DUSP22: variants seen among roughly 807,000 people sequenced by gnomAD.
The protein encoded by DUSP22 is dual specificity protein phosphatase 22.
Under a neutral mutation model 24.5 loss-of-function variants are expected in DUSP22, and 24 were observed. That is an observed-to-expected ratio of 0.98 (90% confidence interval 0.71 to 1.38). DUSP22 has a LOEUF of 1.38. DUSP22 is among the 40% of genes most tolerant of loss of function. The pLI is 0.00. For missense variants in DUSP22, 330 were observed against 269.2 expected (o/e 1.23, Z -1.58); for synonymous variants, 160 against 106.4 (o/e 1.50, Z -3.10).
intron 2 of DUSP22, among the ~76,000 whole-genome samples, chr6:306,138 C>T (rs1201110214): frequency 6.6e-6 from 1 of 152,308 alleles, no homozygotes; most frequent in African/African-American, 2.4e-5. Context: ...GGCCAGGATA[C>T]ATTAATGTAG....
At chr6:304,331 G>T (rs1757720685) in intron 1 of DUSP22, among the ~76,000 whole-genome samples, 1 of 152,308 alleles carries the variant, frequency 6.6e-6, no homozygotes, top group South Asian at 2.1e-4. Flanking sequence ...GTGGGGCCAG[G>T]GTGGGCAGGC....
intron 2 of DUSP22, among the ~76,000 whole-genome samples, chr6:309,311 C>A (rs1412756419): frequency 6.6e-6 from 1 of 152,296 alleles, no homozygotes; most frequent in Non-Finnish European, 1.5e-5. Flanking sequence ...GGCTCATGTT[C>A]CTCGTATAAA....
intron 4 of DUSP22, among the ~76,000 whole-genome samples, chr6:338,582 A>C (rs1759464490): frequency 6.6e-6 from 1 of 152,306 alleles, no homozygotes; most frequent in South Asian, 2.1e-4. Flanking sequence ...AAGAAGTCTT[A>C]CCTGTCACTT....
At chr6:315,691 G>A (rs1396944730) in intron 3 of DUSP22, among the ~76,000 whole-genome samples, 1 of 152,306 alleles carries the variant, frequency 6.6e-6, no homozygotes, top group Non-Finnish European at 1.5e-5. Flanking sequence ...GCTGTTATTT[G>A]CTGCAAATAC....
At chr6:347,459 G>A (rs1301984975) in intron 5 of DUSP22, among the ~76,000 whole-genome samples, 2 of 152,306 alleles carry the variant, frequency 1.3e-5, no homozygotes, top group African/African-American at 4.8e-5. Context: ...GCCTTCATTT[G>A]CATGTACATG....
At position 350,555 on chromosome 6, in the gene DUSP22, CTGATTCCGCGCAGG is replaced by C; in HGVS notation, c.*1607_*1620del. ...TGGGGACCGGGAAAAACAAAGTTGC[CTGATTCCGCGCAGG>C]TGCACAGGCCCCGGATGTACACCCG... On this transcript the variant is annotated 3_prime_UTR_variant, in exon 7 of 7. Transcript: ENST00000419235. 7.3e-7 allele frequency: 1 copy of C among 1,363,432 alleles called. No individual in the cohort carries two copies. Among genetic ancestry groups the C allele is most frequent in the Non-Finnish European group, 9.4e-7 (1 of 1,059,922 alleles). The allele number at this position is 1,363,432 out of a possible 1,614,324, so 84.5% of individuals were successfully genotyped here.
intron 2 of DUSP22, among the ~76,000 whole-genome samples, chr6:305,317 G>C (rs558994654): frequency 1.5e-4 from 23 of 152,412 alleles, no homozygotes; most frequent in South Asian, 6.2e-4. Context: ...GCTCTGCCCT[G>C]GTTCTCCTTT....
At chr6:348,073 C>T in intron 5 of DUSP22, 30 bp from the exon 6 acceptor site, 1 of 1,612,664 alleles carries the variant, frequency 6.2e-7, no homozygotes, top group Non-Finnish European at 8.5e-7. Flanking sequence ...TGAAACTGCC[C>T]TCACACATGT....
intron 1 of DUSP22, among the ~76,000 whole-genome samples, chr6:300,731 C>T (rs1422565477): frequency 6.6e-6 from 1 of 152,310 alleles, no homozygotes; most frequent in East Asian, 1.9e-4. Flanking sequence ...TGACTTGCCT[C>T]AAGATCTGTG....
chr6:298,666 C>T (rs1046063830), intron 1 of DUSP22, among the ~76,000 whole-genome samples: 1 of 152,306 alleles, frequency 6.6e-6, no homozygotes, highest in Admixed American at 6.5e-5. Context: ...AGCATTTCTG[C>T]AGAAGGATTC....
At chr6:300,187 G>A (rs1757515785) in intron 1 of DUSP22, among the ~76,000 whole-genome samples, 2 of 152,304 alleles carry the variant, frequency 1.3e-5, no homozygotes, top group South Asian at 2.1e-4. Context: ...AAACAGCCTG[G>A]AATTTGGGGG....
In DUSP22 at chr6:351,188, C is replaced by T. The variant is rs1036456859; in HGVS notation, c.*2237C>T. 69 of 425,400 alleles carry T rather than the reference C, an allele frequency of 1.6e-4. No individual in the cohort carries two copies. The highest frequency in any genetic ancestry group is 9.7e-4 in the African/African-American group (49 of 50,434). The allele number at this position is 425,400 out of a possible 1,614,324, so 26.4% of individuals were successfully genotyped here. A position where few individuals can be genotyped will look rare whatever the true frequency, so the allele number is the denominator to read the frequency against. ...GCTTCCTGTGAACGCCTCCCAAGGA[C>T]GAGCCCAGTGTAGTTGTGTGGCGTG... On this transcript the variant is annotated 3_prime_UTR_variant, in exon 7 of 7. Coordinates refer to ENST00000419235, the MANE Select transcript of DUSP22 (RefSeq NM_001286555.3).
intron 3 of DUSP22, among the ~76,000 whole-genome samples, chr6:321,980 T>C (rs368354664): frequency 4.0e-3 from 609 of 152,142 alleles, no homozygotes; most frequent in Non-Finnish European, 4.9e-3. Flanking sequence ...CATCACTGGA[T>C]AGAAATACAG....
intron 3 of DUSP22, among the ~76,000 whole-genome samples, chr6:331,481 T>TA (rs1759136739): frequency 6.6e-6 from 1 of 152,312 alleles, no homozygotes; most frequent in South Asian, 2.1e-4. Context: ...TATCTAAACT[T>TA]ATCCTGTCCT....
At chr6:308,421 G>C (rs1362115405) in intron 2 of DUSP22, among the ~76,000 whole-genome samples, 1 of 152,306 alleles carries the variant, frequency 6.6e-6, no homozygotes, top group Non-Finnish European at 1.5e-5. Context: ...CAGCAGGTTT[G>C]ATTAAGCATT....
chr6:310,698 T>G (rs1423602349), intron 2 of DUSP22, among the ~76,000 whole-genome samples: 4 of 152,306 alleles, frequency 2.6e-5, no homozygotes, highest in South Asian at 2.1e-4. Flanking sequence ...ATTTAGCTTT[T>G]TAAGAATTCT....
chr6:322,331 T>C (rs1279586402), intron 3 of DUSP22, among the ~76,000 whole-genome samples: 2 of 152,294 alleles, frequency 1.3e-5, no homozygotes, highest in Non-Finnish European at 2.9e-5. Flanking sequence ...GACACACATC[T>C]TTGTTACTCC....
At chr6:294,518 A>G (rs1346338897) in intron 1 of DUSP22, among the ~76,000 whole-genome samples, 4 of 152,284 alleles carry the variant, frequency 2.6e-5, no homozygotes, top group Non-Finnish European at 5.9e-5. Context: ...TAATTTTAAT[A>G]ATATATTTTA....
intron 4 of DUSP22, among the ~76,000 whole-genome samples, chr6:336,261 C>G (rs1025247896): frequency 1.3e-5 from 2 of 152,302 alleles, no homozygotes; most frequent in Non-Finnish European, 2.9e-5. Context: ...CACAGCAACC[C>G]TCCTAGAACT....
Sources: gnomAD v4.1 joint callset for allele counts (sites outside exome capture counted in the v4.1 genomes callset) on GRCh38, gnomAD v4.1.1 for gene constraint, MANE v1.5 for transcripts, NCBI Gene and HGNC (gene_info 2026-07-23, HGNC 2026-07-21) for gene names.